MCPH1: variants seen among roughly 807,000 people sequenced by gnomAD.
MCPH1 encodes the protein microcephalin 1.
In MCPH1, 104 loss-of-function variants were observed where a neutral mutation model predicts 84.5. That is an observed-to-expected ratio of 1.23 (90% CI 1.05 to 1.45). MCPH1 has a LOEUF of 1.45. Among genes scored for constraint, MCPH1 ranks in the 40% most tolerant of loss-of-function variants. MCPH1 has a pLI of 0.00. For synonymous variants in MCPH1, 514 were observed against 366.8 expected (o/e 1.40, Z -4.58); for missense variants, 1,498 against 1,005.7 (o/e 1.49, Z -6.62).
intron 11 of MCPH1, among the ~76,000 whole-genome samples, chr8:6,492,188 A>G (rs1192189637): frequency 3.3e-5 from 5 of 152,242 alleles, no homozygotes; most frequent in South Asian, 4.1e-4. Context: ...GTGTGATGGT[A>G]TCTCATTGTG....
chr8:6,461,276 GT>G (rs111973632), intron 9 of MCPH1, among the ~76,000 whole-genome samples: 6 of 138,038 alleles, frequency 4.3e-5, no homozygotes, highest in East Asian at 2.1e-4. Flanking sequence ...AAAAGAGTCT[GT>G]TTTTTTTTAG....
intron 9 of MCPH1, among the ~76,000 whole-genome samples, chr8:6,457,142 T>G (rs559909035): frequency 6.6e-6 from 1 of 152,314 alleles, no homozygotes; most frequent in South Asian, 2.1e-4. Context: ...AATATTTTCA[T>G]ATATTAAACT....
intron 2 of MCPH1, among the ~76,000 whole-genome samples, chr8:6,410,592 A>G (rs1035862752): frequency 6.6e-6 from 1 of 152,200 alleles, no homozygotes; most frequent in East Asian, 1.9e-4. Context: ...TTGATACCAA[A>G]TAGGTATCTT....
intron 12 of MCPH1, chr8:6,616,788 T>G (rs1164418741): frequency 1.3e-5 from 2 of 152,218 alleles, no homozygotes; most frequent in African/African-American, 4.8e-5. Context: ...TACTGAGCAG[T>G]CCTGTTGTTT....
chr8:6,562,750 G>A (rs1825753667), intron 12 of MCPH1: 2 of 1,613,690 alleles, frequency 1.2e-6, no homozygotes, highest in African/African-American at 1.3e-5. Context: ...CACAGCATTG[G>A]ACACGTAGGG....
chr8:6,628,118 C>T (rs1445840600), intron 13 of MCPH1, among the ~76,000 whole-genome samples: 1 of 152,040 alleles, frequency 6.6e-6, no homozygotes, highest in Non-Finnish European at 1.5e-5. Context: ...CGTCGTTAAA[C>T]TTATGCCAAC....
chr8:6,565,291 C>T (rs953775859), intron 12 of MCPH1, among the ~76,000 whole-genome samples: 3 of 152,232 alleles, frequency 2.0e-5, no homozygotes, highest in Non-Finnish European at 4.4e-5. Context: ...TCAGTTCTTC[C>T]ACCATCAAAT....
intron 2 of MCPH1, among the ~76,000 whole-genome samples, chr8:6,412,807 G>C (rs1440178451): frequency 1.3e-5 from 2 of 152,110 alleles, no homozygotes; most frequent in East Asian, 3.8e-4. Context: ...TGGACTTGAT[G>C]GGGGTGTGGA....
intron 6 of MCPH1, among the ~76,000 whole-genome samples, chr8:6,439,767 A>G (rs1482555623): frequency 1.3e-5 from 2 of 152,146 alleles, no homozygotes; most frequent in Admixed American, 6.5e-5. Context: ...TTTGTTTTTC[A>G]TTATTTCTTT....
In MCPH1 at chr8:6,621,601, C is replaced by A; in HGVS notation, c.2362C>A (p.Gln788Lys). Reference sequence around the variant, plus strand: ...CCACCTGTGCGGAGGCCGGGTCAGCCAAGTCCCCCGCCAGGCCAGCATCGT... The same window carrying A: ...CCACCTGTGCGGAGGCCGGGTCAGCAAAGTCCCCCGCCAGGCCAGCATCGT... ...LVHLCGGRVS[Q>K]VPRQASIVIG... The change falls in exon 13 of 14, where the codon CAA (glutamine) becomes AAA (lysine). Residue 788 changes from glutamine to lysine, a missense_variant. Coordinates refer to ENST00000344683, the MANE Select transcript of MCPH1 (RefSeq NM_024596.5). The A allele has an allele frequency of 6.2e-7, 1 of 1,614,228 alleles. No homozygotes were observed. Among genetic ancestry groups the A allele is most frequent in the Non-Finnish European group, 8.5e-7 (1 of 1,180,042 alleles).
chr8:6,455,568 T>C (rs978666773), intron 9 of MCPH1, among the ~76,000 whole-genome samples: 2 of 152,178 alleles, frequency 1.3e-5, no homozygotes, highest in African/African-American at 2.4e-5. Flanking sequence ...TCGGAATAAA[T>C]ATTTACTAGG....
At chr8:6,510,539 C>T (rs771264215) in intron 12 of MCPH1, among the ~76,000 whole-genome samples, 21 of 152,202 alleles carry the variant, frequency 1.4e-4, no homozygotes, top group Non-Finnish European at 2.8e-4. Context: ...CAGGTGCTTA[C>T]ACCTGCATGC....
At chr8:6,596,599 T>C (rs1413456680) in intron 12 of MCPH1, among the ~76,000 whole-genome samples, 3 of 151,732 alleles carry the variant, frequency 2.0e-5, no homozygotes, top group Non-Finnish European at 2.9e-5. Flanking sequence ...GTGCAGGAGC[T>C]CGTGAGTATG....
At chr8:6,457,653 C>T (rs1172924810) in intron 9 of MCPH1, among the ~76,000 whole-genome samples, 2 of 152,130 alleles carry the variant, frequency 1.3e-5, no homozygotes, top group Admixed American at 6.5e-5. Context: ...TGAGACCCTC[C>T]TGGCCAGCAG....
At chr8:6,484,197 TAATACTG>T (rs368869324) in intron 11 of MCPH1, among the ~76,000 whole-genome samples, 389 of 152,308 alleles carry the variant, frequency 2.6e-3, no homozygotes, top group African/African-American at 7.5e-3. Context: ...AAAGAACTCT[TAATACTG>T]AACAATAAGA....
At chr8:6,628,330 T>G (rs7011537) in intron 13 of MCPH1, among the ~76,000 whole-genome samples, 2,147 of 151,304 alleles carry the variant, frequency 0.014, 63 homozygotes, top group African/African-American at 0.049. Context: ...AATTAGCCGG[T>G]CGTGGTGGCA....
chr8:6,513,335 C>CTTTTTTTT (rs1189719867), intron 12 of MCPH1, among the ~76,000 whole-genome samples: 1 of 143,228 alleles, frequency 7.0e-6, no homozygotes. Flanking sequence ...TTTTCTTTTT[C>CTTTTTTTT]TTTTTTTTTT....
intron 12 of MCPH1, chr8:6,563,060 T>A: frequency 9.7e-7 from 1 of 1,033,370 alleles, no homozygotes; most frequent in Non-Finnish European, 1.4e-6. Context: ...TCAATGAAAG[T>A]CTTCTCTTTC....
intron 8 of MCPH1, chr8:6,447,370 A>G (rs1469004123): frequency 3.0e-6 from 3 of 985,232 alleles, no homozygotes; most frequent in African/African-American, 3.5e-5. Context: ...GTACCTCCAA[A>G]TCTTTAATGT....
Sources: gnomAD v4.1 joint callset for allele counts (sites outside exome capture counted in the v4.1 genomes callset) on GRCh38, gnomAD v4.1.1 for gene constraint, MANE v1.5 for transcripts, NCBI Gene and HGNC (gene_info 2026-07-23, HGNC 2026-07-21) for gene names.